The following CARM1 variants were observed in gnomAD, a reference collection of about 807,000 sequenced individuals.
The protein encoded by CARM1 is coactivator associated arginine methyltransferase 1.
Under a neutral mutation model 72.7 loss-of-function variants are expected in CARM1, and 14 were observed. The ratio of observed to expected loss-of-function variants is 0.19; its 90% CI spans 0.13 to 0.30. The LOEUF is 0.30. Ranked by LOEUF, CARM1 falls within the 10% of genes least tolerant of loss-of-function variation. CARM1 has a pLI of 1.00. For missense variants in CARM1, 432 were observed against 833.7 expected (o/e 0.52, Z 5.93); for synonymous variants, 333 against 345.5 (o/e 0.96, Z 0.40).
Position 10,905,606 on chromosome 19 carries a change from C to T in CARM1, c.346+530C>T, listed in dbSNP as rs539736856. The stretch of plus-strand genomic sequence containing the variant: ...CAGGGCTGGAGATGGTCTGAAGGTC[C>T]CACCGCAGGCTTGGTTACCAGAGAC... On this transcript the variant is annotated intron_variant, in intron 2 of 15. Transcript: ENST00000327064. Among the ~76,000 whole-genome samples, 115 of 152,234 alleles carry T rather than the reference C, an allele frequency of 7.6e-4. 2 individuals carry two copies. Among genetic ancestry groups the T allele is most frequent in the Admixed American group, 4.6e-4 (7 of 15,290 alleles).
At chr19:10,894,368 G>GT (rs1016742985) in intron 1 of CARM1, among the ~76,000 whole-genome samples, 3 of 150,996 alleles carry the variant, frequency 2.0e-5, no homozygotes, top group South Asian at 2.1e-4. Context: ...CAGAAAGCGT[G>GT]TTTTTTTTTC....
intron 8 of CARM1, 99 bp from the exon 9 acceptor site, chr19:10,919,496 C>G: frequency 1.2e-6 from 1 of 865,638 alleles, no homozygotes; most frequent in South Asian, 1.5e-5. Flanking sequence ...AGCTGCACAG[C>G]CTAGAAGCCG....
chr19:10,886,924 G>A (rs960523162), intron 1 of CARM1, among the ~76,000 whole-genome samples: 1 of 152,110 alleles, frequency 6.6e-6, no homozygotes, highest in Non-Finnish European at 1.5e-5. Context: ...CAAGTAGCTG[G>A]GCCTCCTGCC....
chr19:10,922,643 C>T lies in CARM1; in HGVS notation c.*886C>T, dbSNP rs2074276476. On this transcript the variant is annotated 3_prime_UTR_variant, in exon 16 of 16. Coordinates refer to ENST00000327064, the MANE Select transcript of CARM1 (RefSeq NM_199141.2). ...TAGCTCCCCTCCATCCTTGTAGACG[C>T]TCCAGTCCCTACTACTGTGACGGCA... The T allele has an allele frequency of 6.6e-6, 1 of 152,336 alleles. No individual in the cohort carries two copies. The highest frequency in any genetic ancestry group is 1.5e-5 in the Non-Finnish European group (1 of 68,136). The allele number at this position is 152,336 out of a possible 1,614,324, so 9.4% of individuals were successfully genotyped here.
intron 1 of CARM1, among the ~76,000 whole-genome samples, chr19:10,877,181 C>T (rs2073870977): frequency 6.6e-6 from 1 of 152,104 alleles, no homozygotes; most frequent in Non-Finnish European, 1.5e-5. Context: ...ATCTTTAGGA[C>T]ATCTCGGTGT....
chr19:10,908,885 A>G lies in CARM1; in HGVS notation c.454-218A>G, dbSNP rs1351818639. On this transcript the variant is annotated intron_variant, in intron 3 of 15. Transcript: ENST00000327064. ...GGTCCAGGCGGCATCAGCTGTTGCCATCGGCTGCAGTGATAGTGGCGGTGT... is the reference window on the plus strand; with the variant it reads ...GGTCCAGGCGGCATCAGCTGTTGCCGTCGGCTGCAGTGATAGTGGCGGTGT... The G allele has an allele frequency of 1.5e-5, 7 of 455,626 alleles. No individual in the cohort carries two copies. The East Asian group carries it at 2.1e-4, about 14-fold the overall frequency. The allele number at this position is 455,626 out of a possible 1,614,324, so 28.2% of individuals were successfully genotyped here.
Position 10,914,003 on chromosome 19 carries a change from G to A in CARM1, c.796G>A (p.Glu266Lys). ...GCCCATGGGCTACATGCTCTTCAAC[G>A]AGCGCATGCTGGAGAGCTACCTCCA... is the stretch of plus-strand genomic sequence containing the variant. ...SEPMGYMLFN[E>K]RMLESYLHAK... The change falls in exon 6 of 16, where the codon GAG becomes AAG. Residue 266 changes from glutamate to lysine, a missense_variant. Around this residue, in one of 3 missense-constraint regions of CARM1, gnomAD observed 152 missense variants for 452.8 expected, o/e 0.34. Transcript: ENST00000327064. 6.2e-7 allele frequency: 1 copy of A among 1,613,626 alleles called. No homozygotes were observed. The highest frequency in any genetic ancestry group is 8.5e-7 in the Non-Finnish European group (1 of 1,179,940).
intron 1 of CARM1, among the ~76,000 whole-genome samples, chr19:10,875,148 T>C (rs915172988): frequency 5.3e-5 from 8 of 152,170 alleles, no homozygotes; most frequent in Non-Finnish European, 1.2e-4. Context: ...ATGGATTCTC[T>C]CTCAGTTCAT....
At chr19:10,921,508 T>TC in intron 15 of CARM1, 65 bp downstream of exon 15, 2 of 1,569,176 alleles carry the variant, frequency 1.3e-6, no homozygotes, top group Non-Finnish European at 1.7e-6. Flanking sequence ...CCATCCTCTG[T>TC]CCGGCCGCCC....
chr19:10,889,569 TC>T (rs1415033666), intron 1 of CARM1, among the ~76,000 whole-genome samples: 2 of 151,258 alleles, frequency 1.3e-5, no homozygotes, highest in African/African-American at 4.9e-5. Context: ...CCTCAGGTGA[TC>T]CGCCTGCCTC....
Position 10,919,698 on chromosome 19 carries a change from C to G in CARM1, c.1106+18C>G. 6.2e-7 allele frequency: 1 copy of G among 1,600,680 alleles called. No individual in the cohort carries two copies. Among genetic ancestry groups the G allele is most frequent in the South Asian group, 1.1e-5 (1 of 90,676 alleles). The stretch of plus-strand genomic sequence containing the variant: ...TTGCACAGGTACTGGCACCCACACT[C>G]CATCCTCCCAGGCCTGGCTCAGGCC... On this transcript the variant is annotated intron_variant, in intron 9 of 15. Coordinates refer to ENST00000327064, the MANE Select transcript of CARM1 (RefSeq NM_199141.2).
chr19:10,900,934 C>T (rs1217188307), intron 1 of CARM1, among the ~76,000 whole-genome samples: 3 of 151,794 alleles, frequency 2.0e-5, no homozygotes, highest in African/African-American at 7.3e-5. Flanking sequence ...CCACCCGCCT[C>T]GGCCCCCCAA....
chr19:10,898,385 T>C (rs2074039102), intron 1 of CARM1, among the ~76,000 whole-genome samples: 1 of 151,788 alleles, frequency 6.6e-6, no homozygotes, highest in Non-Finnish European at 1.5e-5. Flanking sequence ...TAGAGTCTGC[T>C]TTTTGGTCAC....
chr19:10,882,106 A>G (rs2073906216), intron 1 of CARM1, among the ~76,000 whole-genome samples: 2 of 152,174 alleles, frequency 1.3e-5, no homozygotes, highest in South Asian at 2.1e-4. Flanking sequence ...TTTGTGCCTC[A>G]GTTTCCTTGG....
chr19:10,920,568 C>T lies in CARM1; in HGVS notation c.1329C>T (p.Asn443=), dbSNP rs759023138. ...CAGGGACATGTCTGCTTATTGCCAA[C>T]AAAAGGTGCGACTGCTCCCTGGGGC... ...TLSGTCLLIA[N]KRQSYDISIV... The change falls in exon 11 of 16, where the codon AAC becomes AAT. Residue 443 remains asparagine, a synonymous_variant. Coordinates refer to ENST00000327064, the MANE Select transcript of CARM1 (RefSeq NM_199141.2). The surrounding 1 kb of genome is among the most constrained non-coding windows in gnomAD (Gnocchi z 5.3). The T allele has an allele frequency of 4.8e-5, 78 of 1,613,772 alleles. No individual in the cohort carries two copies. The South Asian group carries it at 8.5e-4, about 17-fold the overall frequency.
intron 1 of CARM1, among the ~76,000 whole-genome samples, chr19:10,885,401 C>G (rs756951995): frequency 3.9e-5 from 6 of 152,186 alleles, no homozygotes; most frequent in Non-Finnish European, 7.3e-5. Context: ...TAATTGTGTT[C>G]TCGGAGCTGG....
Position 10,919,659 on chromosome 19 carries a change from C to A in CARM1, c.1085C>A (p.Ala362Asp). The A allele has an allele frequency of 6.2e-7, 1 of 1,613,732 alleles. No homozygotes were observed. The highest frequency in any genetic ancestry group is 8.5e-7 in the Non-Finnish European group (1 of 1,179,600). The change falls in exon 9 of 16, where the codon GCC becomes GAC. Residue 362 changes from alanine (A) to aspartate (D), a missense_variant. Ala to Asp is a moderately radical substitution (Grantham distance 126). Transcript: ENST00000327064. ...SVKYTVNFLE[A>D]KEGDLHRIEI... ...AAGTACACGGTGAACTTCTTAGAAG[C>A]CAAAGAAGGAGATTTGCACAGGTAC...
At chr19:10,921,005 TG>T (rs1481352340) in intron 13 of CARM1, 44 bp from the exon 14 acceptor site, 1 of 1,612,486 alleles carries the variant, frequency 6.2e-7, no homozygotes, top group South Asian at 1.1e-5. Context: ...GCCGCAGGCC[TG>T]GCCCCTCTGC....
intron 3 of CARM1, 118 bp downstream of exon 3, chr19:10,908,263 C>G: frequency 1.5e-6 from 1 of 664,228 alleles, no homozygotes; most frequent in South Asian, 1.7e-5. Context: ...TGGCTCTGTC[C>G]CTTACTGGCC....
Sources: gnomAD v4.1 joint callset for allele counts (sites outside exome capture counted in the v4.1 genomes callset) on GRCh38, gnomAD v4.1.1 for gene constraint, gnomAD v4.1.1 regional missense constraint, Gnocchi (gnomAD v3.1) non-coding constraint, MANE v1.5 for transcripts, NCBI Gene and HGNC (gene_info 2026-07-23, HGNC 2026-07-21) for gene names.